The following FABP6 variants were observed in gnomAD, a reference collection of about 807,000 sequenced individuals.
The protein encoded by FABP6 is fatty acid binding protein 6, also known as gastrotropin.
In FABP6, 13 loss-of-function variants were observed where a neutral mutation model predicts 14.9. The ratio of observed to expected loss-of-function variants is 0.87; its 90% confidence interval spans 0.57 to 1.39. The LOEUF is 1.39. FABP6 is among the 40% of genes most tolerant of loss of function. FABP6 has a pLI of 0.00. For synonymous variants in FABP6, 75 were observed against 63.6 expected (o/e 1.18, Z -0.85); for missense variants, 161 against 167.2 (o/e 0.96, Z 0.20).
intron 2 of FABP6, among the ~76,000 whole-genome samples, chr5:160,211,983 C>CTTTTTTTTTTTTTTT (rs70990712): frequency 9.7e-6 from 1 of 103,020 alleles, no homozygotes; most frequent in Admixed American, 1.1e-4. Flanking sequence ...TATGCAAGTT[C>CTTTTTTTTTTTTTTT]TTTTTTTTTT....
chr5:160,237,329 A>G (rs1157420781), intron 3 of FABP6, among the ~76,000 whole-genome samples: 2 of 152,120 alleles, frequency 1.3e-5, no homozygotes, highest in Non-Finnish European at 1.5e-5. Context: ...ACCAGAGTTC[A>G]GGGTCATCAT....
chr5:160,204,990 C>T (rs1759730932), intron 2 of FABP6, among the ~76,000 whole-genome samples: 1 of 146,298 alleles, frequency 6.8e-6, no homozygotes, highest in Admixed American at 6.6e-5. Flanking sequence ...GGGGGCGTAA[C>T]AGCTAAGGTT....
chr5:160,188,846 C>T (rs1211713785), intron 1 of FABP6, among the ~76,000 whole-genome samples: 2 of 152,300 alleles, frequency 1.3e-5, no homozygotes, highest in African/African-American at 4.8e-5. Flanking sequence ...GAACTTGAAA[C>T]TCTTCCCTCC....
upstream of FABP6, among the ~76,000 whole-genome samples, chr5:160,227,525 C>CAAAAAAAA (rs10645896): frequency 9.5e-4 from 94 of 99,436 alleles, 3 homozygotes; most frequent in Admixed American, 3.4e-3. Context: ...GACTTCACTT[C>CAAAAAAAA]AAAAAAAAAA....
chr5:160,195,135 A>G (rs1759483501), intron 1 of FABP6, among the ~76,000 whole-genome samples: 1 of 151,908 alleles, frequency 6.6e-6, no homozygotes, highest in Admixed American at 6.6e-5. Context: ...AAATACAAAC[A>G]TTAGCCGGGC....
rs183860997 is a variant in FABP6, at chr5:160,223,597, T to A, written c.136-5949T>A. On this transcript the variant is annotated intron_variant, in intron 3 of 6. Coordinates refer to the FABP6 transcript ENST00000393980. ...CCACCACACTTGGCTAATTTAAACA[T>A]TTTTTTATAGAGATGATTTTTTGTC... is the stretch of plus-strand genomic sequence containing the variant. Among the ~76,000 whole-genome samples the A allele has an allele frequency of 2.0e-5, 3 of 151,400 alleles. No homozygotes were observed. The East Asian group carries it at 6.0e-4, about 30-fold the overall frequency.
chr5:160,213,748 G>A, exon 3 of FABP6: 1 of 1,613,910 alleles, frequency 6.2e-7, no homozygotes, highest in African/African-American at 1.3e-5. Flanking sequence ...TCTGAGAGCT[G>A]TGTTGTCTGC....
At chr5:160,228,220 C>T (rs993158843), upstream of FABP6, among the ~76,000 whole-genome samples, 3 of 151,870 alleles carry the variant, frequency 2.0e-5, no homozygotes, top group Non-Finnish European at 2.9e-5. Flanking sequence ...GGAGAAACCC[C>T]GTCTCTACTA....
intron 3 of FABP6, among the ~76,000 whole-genome samples, chr5:160,235,267 G>A (rs928391559): frequency 2.0e-5 from 3 of 152,124 alleles, no homozygotes; most frequent in Non-Finnish European, 4.4e-5. Context: ...AAATAAAGGA[G>A]GTGGTCCAGG....
intron 2 of FABP6, among the ~76,000 whole-genome samples, chr5:160,201,659 T>G (rs1759643648): frequency 6.6e-6 from 1 of 152,016 alleles, no homozygotes; most frequent in South Asian, 2.1e-4. Flanking sequence ...TCACCCTTCT[T>G]CTTTCTTCCT....
rs111482709 is a variant in FABP6 at position 160,203,263 on chromosome 5, G to A, written c.51+4106G>A. On this transcript the variant is annotated intron_variant, in intron 2 of 6. Coordinates refer to the FABP6 transcript ENST00000393980. ...AAGCAGAAACGGGGAACAAAAAGTG[G>A]ATTGGTTATTTCAAAGTTACATTCC... is the stretch of plus-strand genomic sequence containing the variant. Among the ~76,000 whole-genome samples the A allele has an allele frequency of 9.6e-3, 1,461 of 152,292 alleles. 29 individuals are homozygous for A. Among genetic ancestry groups the A allele is most frequent in the African/African-American group, 0.033 (1,387 of 41,558 alleles).
chr5:160,236,813 A>T (rs1760526278), intron 3 of FABP6, among the ~76,000 whole-genome samples: 1 of 141,500 alleles, frequency 7.1e-6, no homozygotes, highest in South Asian at 2.2e-4. Context: ...CTCTACTAAA[A>T]ATACAAAAAA....
chr5:160,194,511 A>G (rs1002905830), intron 1 of FABP6, among the ~76,000 whole-genome samples: 1 of 152,196 alleles, frequency 6.6e-6, no homozygotes, highest in African/African-American at 2.4e-5. Context: ...ATTGCACTCC[A>G]GCCTGGGCAA....
At chr5:160,233,137 A>G (rs1760429168) in intron 2 of FABP6, among the ~76,000 whole-genome samples, 1 of 151,482 alleles carries the variant, frequency 6.6e-6, no homozygotes, top group Non-Finnish European at 1.5e-5. Flanking sequence ...GTGCACCACC[A>G]CATCTGGCTA....
At chr5:160,222,099 T>TC (rs1375865528) in intron 3 of FABP6, among the ~76,000 whole-genome samples, 6 of 150,054 alleles carry the variant, frequency 4.0e-5, no homozygotes, top group African/African-American at 1.5e-4. Flanking sequence ...TCTTTTCTTT[T>TC]TTTTTTTTTT....
chr5:160,213,826 G>T lies in FABP6; in HGVS notation c.135+7G>T, dbSNP rs768963040. 20 of 1,611,092 alleles carry T rather than the reference G, an allele frequency of 1.2e-5. 1 individual carries two copies. The South Asian group carries it at 2.2e-4, about 18-fold the overall frequency. ...ACAGACACATAAAGGAAAGGTATGG[G>T]GTAGAAGAAGGGAGGGAAGGGTTCC... On this transcript the variant is annotated splice_region_variant and intron_variant, in intron 3 of 6. Transcript: ENST00000393980.
At chr5:160,189,652 A>G (rs1477202974) in intron 1 of FABP6, among the ~76,000 whole-genome samples, 3 of 152,138 alleles carry the variant, frequency 2.0e-5, no homozygotes, top group Non-Finnish European at 4.4e-5. Flanking sequence ...AGGAGGATCT[A>G]TTGAGCCCAG....
intron 2 of FABP6, among the ~76,000 whole-genome samples, chr5:160,208,615 A>G (rs190625708): frequency 4.9e-4 from 74 of 151,572 alleles, no homozygotes; most frequent in African/African-American, 1.7e-3. Context: ...ATGGGTTATC[A>G]TAAGAGTGGA....
rs1319286536 is a variant in FABP6, at chr5:160,214,206, C to G, written c.135+387C>G. The stretch of plus-strand genomic sequence containing the variant: ...TATTACAGGGTCTCATTCTGTCACC[C>G]AGGCTGAAGTGCAGTGATGTAATCA... On this transcript the variant is annotated intron_variant, in intron 3 of 6. Transcript: ENST00000393980. 2.0e-5 allele frequency among the ~76,000 whole-genome samples: 3 copies of G among 151,232 alleles called. No homozygotes were observed. In the South Asian group the frequency reaches 6.3e-4, roughly 32 times the overall value.
Sources: allele counts gnomAD v4.1 joint callset (sites outside exome capture counted in the v4.1 genomes callset), GRCh38; gene constraint gnomAD v4.1.1; transcripts MANE v1.5; gene names NCBI Gene and HGNC (gene_info 2026-07-23, HGNC 2026-07-21).